The following MUC13 variants were observed in gnomAD, a reference collection of about 807,000 sequenced individuals.
MUC13 encodes mucin-13.
In MUC13, 32 loss-of-function variants were observed where a neutral mutation model predicts 48.3. That is an observed-to-expected ratio of 0.66 (90% CI 0.50 to 0.89). MUC13 has a LOEUF of 0.89. Ranked by LOEUF, MUC13 falls within the 40% of genes least tolerant of loss-of-function variation. MUC13 has a pLI of 0.00. For synonymous variants in MUC13, 199 were observed against 224.9 expected (o/e 0.88, Z 1.03); for missense variants, 571 against 622.8 (o/e 0.92, Z 0.88).
chr3:124,934,570 G>C, intron 1 of MUC13, 91 bp downstream of exon 1: 4 of 852,054 alleles, frequency 4.7e-6, no homozygotes, highest in Non-Finnish European at 8.1e-6. Context: ...CATGTGCTGG[G>C]CTGGGAGAAT....
At chr3:124,911,158 A>C (rs1935414771) in intron 9 of MUC13, among the ~76,000 whole-genome samples, 1 of 152,234 alleles carries the variant, frequency 6.6e-6, no homozygotes, top group Non-Finnish European at 1.5e-5. Context: ...TATGTTCTTA[A>C]AATCAACCTC....
At chr3:124,928,084 T>TC in intron 1 of MUC13, 91 bp from the exon 2 acceptor site, 2 of 652,012 alleles carry the variant, frequency 3.1e-6, no homozygotes, top group Non-Finnish European at 4.3e-6. Context: ...AACTCATTCT[T>TC]TTTTTTTTTT....
rs1489822836 is a variant in MUC13, at chr3:124,906,215, G to C, written c.*528C>G. 6.5e-6 allele frequency: 1 copy of C among 152,688 alleles called. No homozygotes were observed. The highest frequency in any genetic ancestry group is 2.4e-5 in the African/African-American group (1 of 41,462). The allele number at this position is 152,688 out of a possible 1,614,324, so 9.5% of individuals were successfully genotyped here. ...GTTGCCAGAATCTCTCCATTGGAGGGATAGAAGCAGTGTCCCTATTCTGAC... is the reference window on the plus strand; with the variant it reads ...GTTGCCAGAATCTCTCCATTGGAGGCATAGAAGCAGTGTCCCTATTCTGAC... On this transcript the variant is annotated 3_prime_UTR_variant, in exon 12 of 12. Coordinates refer to ENST00000616727, the MANE Select transcript of MUC13 (RefSeq NM_033049.4).
chr3:124,925,486 T>G (rs897345263), intron 2 of MUC13, among the ~76,000 whole-genome samples: 5 of 152,210 alleles, frequency 3.3e-5, no homozygotes, highest in Non-Finnish European at 1.5e-5. Flanking sequence ...GTTTATCAAT[T>G]GTAATAAACA....
chr3:124,929,423 A>C (rs922883620), intron 1 of MUC13, among the ~76,000 whole-genome samples: 5 of 152,132 alleles, frequency 3.3e-5, no homozygotes, highest in African/African-American at 7.2e-5. Flanking sequence ...TGAAAGAAAA[A>C]GGTTTAGTGA....
In MUC13 at chr3:124,927,957, G is replaced by A. The variant is rs759056978; in HGVS notation, c.89C>T (p.Thr30Ile). The change falls in exon 2 of 12, where the codon ACC (threonine) becomes ATC (isoleucine). Residue 30 changes from threonine (T) to isoleucine (I), a missense_variant. Thr to Ile is a moderately conservative substitution (Grantham distance 89, BLOSUM62 -1). Coordinates refer to ENST00000616727, the MANE Select transcript of MUC13 (RefSeq NM_033049.4). Reference sequence around the variant, plus strand: ...AGGACCACTAGTCGCAGTTTCTGTGGTTGTTACAGCATCAGCTGAGTTGCC... The same window carrying A: ...AGGACCACTAGTCGCAGTTTCTGTGATTGTTACAGCATCAGCTGAGTTGCC... Reference protein sequence around the residue: ...NQGNSADAVTTTETATSGPTV... With the variant: ...NQGNSADAVTITETATSGPTV... 2 of 1,575,212 alleles carry A rather than the reference G, an allele frequency of 1.3e-6. No individual in the cohort carries two copies. Among genetic ancestry groups the A allele is most frequent in the Non-Finnish European group, 1.7e-6 (2 of 1,160,854 alleles).
intron 8 of MUC13, among the ~76,000 whole-genome samples, chr3:124,912,392 T>C (rs1935436385): frequency 6.6e-6 from 1 of 152,110 alleles, no homozygotes; most frequent in African/African-American, 2.4e-5. Flanking sequence ...GAACACTCCA[T>C]CCTCCGGGCT....
At chr3:124,912,033 T>C in intron 9 of MUC13, 71 bp downstream of exon 9, 6 of 1,566,792 alleles carry the variant, frequency 3.8e-6, no homozygotes, top group Non-Finnish European at 5.2e-6. Flanking sequence ...GGGCAGGATG[T>C]TGAATGGGGT....
chr3:124,916,553 T>A, intron 5 of MUC13, 73 bp from the exon 6 acceptor site: 1 of 1,463,894 alleles, frequency 6.8e-7, no homozygotes, highest in Non-Finnish European at 9.3e-7. Flanking sequence ...TCTCCCAGAC[T>A]CCCGAATCTC....
chr3:124,930,312 T>C (rs1935771668), intron 1 of MUC13, among the ~76,000 whole-genome samples: 1 of 151,614 alleles, frequency 6.6e-6, no homozygotes, highest in Non-Finnish European at 1.5e-5. Context: ...ATGAGACACA[T>C]TCCAAGCTGA....
intron 1 of MUC13, among the ~76,000 whole-genome samples, chr3:124,928,923 T>C (rs998203619): frequency 2.6e-5 from 4 of 152,176 alleles, no homozygotes; most frequent in African/African-American, 9.7e-5. Context: ...TAGGGTTGGG[T>C]AATTTAAAGA....
At chr3:124,920,838 C>T (rs755215556) in intron 4 of MUC13, among the ~76,000 whole-genome samples, 1 of 152,224 alleles carries the variant, frequency 6.6e-6, no homozygotes, top group African/African-American at 2.4e-5. Context: ...TGAAAACATC[C>T]GTGCTGGCAC....
intron 8 of MUC13, 44 bp downstream of exon 8, chr3:124,913,067 T>C: frequency 6.2e-7 from 1 of 1,602,600 alleles, no homozygotes; most frequent in South Asian, 1.1e-5. Flanking sequence ...CTACTTTGCC[T>C]AGCTCCAGCT....
At chr3:124,907,691 G>A (rs1935340412) in intron 11 of MUC13, among the ~76,000 whole-genome samples, 2 of 151,904 alleles carry the variant, frequency 1.3e-5, no homozygotes, top group Non-Finnish European at 2.9e-5. Context: ...GTTGCCTTGA[G>A]ATCAAGCGGC....
chr3:124,933,012 A>G (rs773562755), intron 1 of MUC13, among the ~76,000 whole-genome samples: 3 of 152,026 alleles, frequency 2.0e-5, no homozygotes, highest in Non-Finnish European at 2.9e-5. Context: ...TGGCTCCTGA[A>G]AGTCATACAA....
intron 6 of MUC13, among the ~76,000 whole-genome samples, chr3:124,915,949 A>G (rs911428852): frequency 6.6e-6 from 1 of 152,166 alleles, no homozygotes; most frequent in Non-Finnish European, 1.5e-5. Context: ...AAGTGTTGGG[A>G]TTACAGGCAT....
chr3:124,912,462 C>T (rs1279692565), intron 8 of MUC13, among the ~76,000 whole-genome samples: 3 of 152,180 alleles, frequency 2.0e-5, no homozygotes, highest in African/African-American at 7.2e-5. Context: ...GGTAGTGGGA[C>T]CATCTCAGGC....
intron 5 of MUC13, among the ~76,000 whole-genome samples, chr3:124,917,244 GA>G (rs552999600): frequency 3.5e-4 from 54 of 152,152 alleles, no homozygotes; most frequent in Middle Eastern, 3.4e-3. Flanking sequence ...GAAACAGGGG[GA>G]AAAATGACTT....
chr3:124,934,493 C>T (rs189572418), intron 1 of MUC13, among the ~76,000 whole-genome samples, 168 bp downstream of exon 1: 108 of 152,314 alleles, frequency 7.1e-4, no homozygotes, highest in African/African-American at 2.6e-3. Flanking sequence ...CTATCTTCCC[C>T]ATCACAGGAT....
Sources: allele counts gnomAD v4.1 joint callset (sites outside exome capture counted in the v4.1 genomes callset), GRCh38; gene constraint gnomAD v4.1.1; transcripts MANE v1.5; gene names NCBI Gene and HGNC (gene_info 2026-07-23, HGNC 2026-07-21).